Variants in AUTS2 observed in about 807,000 individuals in gnomAD.
The protein encoded by AUTS2 is activator of transcription and developmental regulator AUTS2, also known as autism susceptibility gene 2 protein.
AUTS2 carries 17 observed loss-of-function variants against 112.4 expected under a neutral mutation model. The observed-to-expected ratio is 0.15, with a 90% confidence interval of 0.10 to 0.23. The LOEUF (loss-of-function observed/expected upper bound fraction) is 0.23. Ranked by LOEUF, AUTS2 falls within the 10% of genes least tolerant of loss-of-function variation. AUTS2 has a pLI of 1.00. For synonymous variants in AUTS2, 751 were observed against 702.7 expected, an observed-to-expected ratio of 1.07 and a Z score of -1.09; for missense variants, 1,510 against 1,701.6, an observed-to-expected ratio of 0.89 and a Z score of 1.98.
chr7:69,958,223 C>A (rs1180544945), intron 2 of AUTS2, among the ~76,000 whole-genome samples: 1 of 152,110 alleles, frequency 6.6e-6, no homozygotes, highest in East Asian at 1.9e-4. Context: ...TTGGAACATA[C>A]CTGTACCCCT....
chr7:70,372,152 G>C (rs567555504), intron 4 of AUTS2, among the ~76,000 whole-genome samples: 1 of 152,298 alleles, frequency 6.6e-6, no homozygotes, highest in East Asian at 1.9e-4. Flanking sequence ...GAGCTACACA[G>C]TTTCAGAAAA....
At position 70,533,394 on chromosome 7, in the gene AUTS2, G is replaced by A. The variant is rs570036313; in HGVS notation, c.690+97613G>A. Reference sequence around the variant, plus strand: ...CTCCCGGAGTGATGGGATTATAGGCGTGAGGCACCATTCCCAGACCAGCCT... The same window carrying A: ...CTCCCGGAGTGATGGGATTATAGGCATGAGGCACCATTCCCAGACCAGCCT... On this transcript the variant is annotated intron_variant, in intron 5 of 18. Coordinates refer to ENST00000342771, the MANE Select transcript of AUTS2 (RefSeq NM_015570.4). Among the ~76,000 whole-genome samples the A allele has an allele frequency of 9.2e-5, 14 of 152,254 alleles. No individual in the cohort carries two copies. In the South Asian group the frequency reaches 1.2e-3, roughly 14 times the overall value.
chr7:70,400,144 A>C (rs1794265017), intron 4 of AUTS2, among the ~76,000 whole-genome samples: 1 of 152,104 alleles, frequency 6.6e-6, no homozygotes, highest in Admixed American at 6.5e-5. Context: ...CTTTAACTAT[A>C]CCTGTAGCAA....
At chr7:70,577,816 T>A (rs946588338) in intron 5 of AUTS2, among the ~76,000 whole-genome samples, 1 of 150,642 alleles carries the variant, frequency 6.6e-6, no homozygotes, top group Non-Finnish European at 1.5e-5. Flanking sequence ...GGGTTTTTTT[T>A]TAATTTTTTT....
chr7:69,908,668 A>AGC (rs1267910685), intron 2 of AUTS2, among the ~76,000 whole-genome samples: 1 of 152,304 alleles, frequency 6.6e-6, no homozygotes, highest in East Asian at 1.9e-4. Context: ...ACGCTGATGT[A>AGC]GCAGGTCATT....
intron 6 of AUTS2, among the ~76,000 whole-genome samples, chr7:70,735,909 A>G (rs569223354): frequency 6.6e-6 from 1 of 152,290 alleles, no homozygotes; most frequent in Non-Finnish European, 1.5e-5. Context: ...GTTTATCCAA[A>G]TTAATTTGGA....
At chr7:70,447,832 CA>C (rs1204539903) in intron 5 of AUTS2, among the ~76,000 whole-genome samples, 1 of 152,200 alleles carries the variant, frequency 6.6e-6, no homozygotes, top group African/African-American at 2.4e-5. Context: ...TAATAAGTCC[CA>C]TTTGCAGTTA....
chr7:69,875,909 T>C (rs1435541485), intron 1 of AUTS2, among the ~76,000 whole-genome samples: 1 of 152,166 alleles, frequency 6.6e-6, no homozygotes. Context: ...TAAATAGTTA[T>C]TCACAAATGG....
chr7:70,539,455 C>T (rs1253869202), intron 5 of AUTS2, among the ~76,000 whole-genome samples: 1 of 152,212 alleles, frequency 6.6e-6, no homozygotes, highest in Non-Finnish European at 1.5e-5. Context: ...CTTACACAGA[C>T]TGTGCTGTGC....
intron 4 of AUTS2, among the ~76,000 whole-genome samples, chr7:70,211,618 C>T (rs1351535541): frequency 4.0e-5 from 6 of 149,340 alleles, no homozygotes; most frequent in African/African-American, 1.5e-4. Flanking sequence ...CACTGCACTC[C>T]AGCCTGGGTG....
Position 70,763,180 on chromosome 7 carries a change from G to T in AUTS2, c.1053G>T (p.Gln351His), listed in dbSNP as rs1223142286. 1 of 1,613,962 alleles carries T rather than the reference G, an allele frequency of 6.2e-7. No individual in the cohort carries two copies. The highest frequency in any genetic ancestry group is 1.7e-5 in the Admixed American group (1 of 60,016). The change falls in exon 7 of 19, where the codon CAG becomes CAT. Residue 351 changes from glutamine (Q) to histidine (H), a missense_variant. Transcript: ENST00000342771. ...AGGGCCCTCCTGAGGCCCAGCTCCAGCCTGCCCCGCAGCCTCAGGTGCAGA... is the reference window on the plus strand; with the variant it reads ...AGGGCCCTCCTGAGGCCCAGCTCCATCCTGCCCCGCAGCCTCAGGTGCAGA... ...PPQGPPEAQL[Q>H]PAPQPQVQRP...
rs1584991091 is a variant in AUTS2 at position 70,300,045 on chromosome 7, T to C, written c.661-135707T>C. 3.3e-5 allele frequency among the ~76,000 whole-genome samples: 5 copies of C among 152,260 alleles called. No individual in the cohort carries two copies. The East Asian group carries it at 9.7e-4, about 29-fold the overall frequency. ...AGGTCATTTTATAGATACACACATA[T>C]GAATAGTCCACTGCATCATGCGTGT... is the stretch of plus-strand genomic sequence containing the variant. On this transcript the variant is annotated intron_variant, in intron 4 of 18. Transcript: ENST00000342771.
rs141173381 is a variant in AUTS2 at position 70,248,765 on chromosome 7, C to T, written c.660+114194C>T. ...CTCTAGAAATTTAATAAAAACATTT[C>T]AAAGTCTAAAGTTACTCAGGAGGAA... is the stretch of plus-strand genomic sequence containing the variant. On this transcript the variant is annotated intron_variant, in intron 4 of 18. Coordinates refer to ENST00000342771, the MANE Select transcript of AUTS2 (RefSeq NM_015570.4). Among the ~76,000 whole-genome samples, 6 of 152,172 alleles carry T rather than the reference C, an allele frequency of 3.9e-5. No individual in the cohort carries two copies. The East Asian group carries it at 1.2e-3, about 29-fold the overall frequency.
chr7:70,127,133 C>T (rs1012308249), intron 3 of AUTS2, among the ~76,000 whole-genome samples: 6 of 151,758 alleles, frequency 4.0e-5, no homozygotes, highest in Non-Finnish European at 7.4e-5. Context: ...GCCTTGTTCG[C>T]ACTTTCAAAT....
At chr7:70,760,672 G>A (rs1789513314) in intron 6 of AUTS2, among the ~76,000 whole-genome samples, 1 of 152,230 alleles carries the variant, frequency 6.6e-6, no homozygotes, top group Admixed American at 6.5e-5. Context: ...GGATCCAGGA[G>A]CTTTGCTAGC....
intron 4 of AUTS2, among the ~76,000 whole-genome samples, chr7:70,225,540 A>G (rs543536015): frequency 1.3e-5 from 2 of 152,294 alleles, no homozygotes; most frequent in Admixed American, 6.5e-5. Flanking sequence ...GTGAAATTCT[A>G]CAAGATGGCT....
chr7:69,930,533 T>C (rs1284010371), intron 2 of AUTS2, among the ~76,000 whole-genome samples: 1 of 152,220 alleles, frequency 6.6e-6, no homozygotes, highest in African/African-American at 2.4e-5. Flanking sequence ...AGTTACTTCA[T>C]GTCTGGTATC....
In AUTS2 at chr7:69,667,648, A is replaced by G. The variant is rs556169344; in HGVS notation, c.309+67686A>G. ...TAGGATTACAGGTGTGAGCCACTGC[A>G]CCCAGCCCAAAATCAAGATTTTGAC... On this transcript the variant is annotated intron_variant, in intron 1 of 18. Coordinates refer to ENST00000342771, the MANE Select transcript of AUTS2 (RefSeq NM_015570.4). Among the ~76,000 whole-genome samples, 10 of 152,016 alleles carry G rather than the reference A, an allele frequency of 6.6e-5. No individual in the cohort carries two copies. The South Asian group carries it at 2.1e-3, about 32-fold the overall frequency.
chr7:70,281,116 G>A (rs1431998291), intron 4 of AUTS2, among the ~76,000 whole-genome samples: 3 of 151,928 alleles, frequency 2.0e-5, no homozygotes, highest in African/African-American at 7.3e-5. Flanking sequence ...TGGATATCGG[G>A]GTAAACATCC....
Sources: allele counts gnomAD v4.1 joint callset (sites outside exome capture counted in the v4.1 genomes callset), GRCh38; gene constraint gnomAD v4.1.1; transcripts MANE v1.5; gene names NCBI Gene and HGNC (gene_info 2026-07-23, HGNC 2026-07-21).